CDKAL1: variants seen among roughly 807,000 people sequenced by gnomAD.
The protein encoded by CDKAL1 is threonylcarbamoyladenosine tRNA methylthiotransferase.
In CDKAL1, 32 loss-of-function variants were observed where a neutral mutation model predicts 68.2. That is an observed-to-expected ratio of 0.47 (90% CI 0.35 to 0.63). CDKAL1 has a LOEUF of 0.63. CDKAL1 is among the 30% of genes least tolerant of loss of function. CDKAL1 has a pLI of 0.00. For missense variants in CDKAL1, 606 were observed against 696.7 expected, an observed-to-expected ratio of 0.87 and a Z score of 1.47; for synonymous variants, 234 against 244.3, an observed-to-expected ratio of 0.96 and a Z score of 0.39.
chr6:20,918,048 T>C (rs182800882), intron 9 of CDKAL1, among the ~76,000 whole-genome samples: 33 of 152,204 alleles, frequency 2.2e-4, no homozygotes, highest in Admixed American at 2.0e-3. Context: ...GAGGTGGAGG[T>C]TGCAGTGAGC....
At chr6:20,587,334 A>G (rs1321339280) in intron 4 of CDKAL1, among the ~76,000 whole-genome samples, 2 of 152,136 alleles carry the variant, frequency 1.3e-5, no homozygotes, top group Non-Finnish European at 2.9e-5. Context: ...AACAGATAAT[A>G]AAACTTATAA....
intron 9 of CDKAL1, among the ~76,000 whole-genome samples, chr6:20,874,226 G>A (rs1164800819): frequency 6.6e-6 from 1 of 152,086 alleles, no homozygotes; most frequent in Non-Finnish European, 1.5e-5. Flanking sequence ...GGAGGAAATG[G>A]CATTTTTACA....
At chr6:21,228,162 A>G (rs1407286123) in intron 15 of CDKAL1, among the ~76,000 whole-genome samples, 1 of 152,040 alleles carries the variant, frequency 6.6e-6, no homozygotes, top group African/African-American at 2.4e-5. Flanking sequence ...GGGTCTCTCA[A>G]TTTGAGGGGC....
chr6:20,668,241 A>G (rs563171226), intron 5 of CDKAL1, among the ~76,000 whole-genome samples: 4 of 152,248 alleles, frequency 2.6e-5, no homozygotes, highest in Non-Finnish European at 5.9e-5. Flanking sequence ...TGTGCATGAA[A>G]TTTTATTAAC....
chr6:21,204,340 A>T (rs1322739774), intron 15 of CDKAL1, among the ~76,000 whole-genome samples: 1 of 152,186 alleles, frequency 6.6e-6, no homozygotes, highest in African/African-American at 2.4e-5. Flanking sequence ...CTGTGTTCTT[A>T]TCTACCCCTA....
At chr6:20,720,135 G>A (rs915517792) in intron 5 of CDKAL1, among the ~76,000 whole-genome samples, 9 of 152,116 alleles carry the variant, frequency 5.9e-5, no homozygotes. Flanking sequence ...GCATAGGGAA[G>A]TTACTGGTCT....
chr6:21,119,681 T>C (rs1301374398), intron 13 of CDKAL1, among the ~76,000 whole-genome samples: 1 of 152,230 alleles, frequency 6.6e-6, no homozygotes, highest in Non-Finnish European at 1.5e-5. Flanking sequence ...TACTTATATT[T>C]TCTTAGTATC....
chr6:20,957,126 G>A (rs912753197), intron 10 of CDKAL1, among the ~76,000 whole-genome samples: 9 of 152,042 alleles, frequency 5.9e-5, no homozygotes, highest in Non-Finnish European at 1.3e-4. Flanking sequence ...CGTGTGGAGG[G>A]TAGGAAGGGA....
At chr6:20,663,125 A>G (rs1484868402) in intron 5 of CDKAL1, among the ~76,000 whole-genome samples, 2 of 152,186 alleles carry the variant, frequency 1.3e-5, no homozygotes, top group Non-Finnish European at 2.9e-5. Context: ...TCCCTTCTTT[A>G]AAGGAGCTTT....
intron 8 of CDKAL1, among the ~76,000 whole-genome samples, chr6:20,796,163 G>A (rs1331098340): frequency 6.6e-6 from 1 of 151,998 alleles, no homozygotes; most frequent in Admixed American, 6.6e-5. Context: ...AATATAGCAA[G>A]GATACAACAT....
chr6:20,911,804 A>AT (rs1246791551), intron 9 of CDKAL1, among the ~76,000 whole-genome samples: 14 of 152,004 alleles, frequency 9.2e-5, no homozygotes, highest in Admixed American at 1.3e-4. Context: ...ATTCCTTTGG[A>AT]TTTTCACTGT....
intron 4 of CDKAL1, among the ~76,000 whole-genome samples, chr6:20,604,358 G>T (rs1273173786): frequency 6.6e-6 from 1 of 152,156 alleles, no homozygotes; most frequent in Non-Finnish European, 1.5e-5. Flanking sequence ...CCCTGATATG[G>T]CACCATTCAC....
At chr6:21,070,036 C>T (rs1164295392) in intron 12 of CDKAL1, among the ~76,000 whole-genome samples, 2 of 151,764 alleles carry the variant, frequency 1.3e-5, no homozygotes, top group Admixed American at 6.6e-5. Context: ...GTGATCCACC[C>T]GCCTCAGCCT....
intron 12 of CDKAL1, among the ~76,000 whole-genome samples, chr6:21,083,098 T>C (rs1772498959): frequency 6.6e-6 from 1 of 152,100 alleles, no homozygotes; most frequent in East Asian, 1.9e-4. Context: ...ACTCCTGAGC[T>C]CAAGTGATCC....
At chr6:20,762,309 G>A (rs565587418) in intron 7 of CDKAL1, among the ~76,000 whole-genome samples, 1 of 152,122 alleles carries the variant, frequency 6.6e-6, no homozygotes, top group South Asian at 2.1e-4. Flanking sequence ...AAGTTGAAGG[G>A]GATATTCATT....
chr6:20,663,041 C>T (rs541846058), intron 5 of CDKAL1, among the ~76,000 whole-genome samples: 15 of 152,156 alleles, frequency 9.9e-5, no homozygotes, highest in African/African-American at 3.4e-4. Context: ...ATGGTTATTG[C>T]TCTCTGGCCA....
chr6:21,059,586 T>C (rs9465955), intron 11 of CDKAL1, among the ~76,000 whole-genome samples: 41,170 of 151,958 alleles, frequency 0.27, 5,770 homozygotes, highest in South Asian at 0.35. Flanking sequence ...GAGCCATTGC[T>C]CCGCCCTGCT....
chr6:21,117,632 T>G (rs1340150512), intron 13 of CDKAL1, among the ~76,000 whole-genome samples: 1 of 152,114 alleles, frequency 6.6e-6, no homozygotes, highest in Non-Finnish European at 1.5e-5. Context: ...GAGAGACCCC[T>G]GTCTCAAAAA....
At chr6:20,994,470 T>A (rs542866302) in intron 10 of CDKAL1, among the ~76,000 whole-genome samples, 1 of 152,074 alleles carries the variant, frequency 6.6e-6, no homozygotes, top group African/African-American at 2.4e-5. Flanking sequence ...CAGAGTGAGA[T>A]GAAAAGAAAA....
Sources: allele counts gnomAD v4.1 joint callset (sites outside exome capture counted in the v4.1 genomes callset), GRCh38; gene constraint gnomAD v4.1.1; transcripts MANE v1.5; gene names NCBI Gene and HGNC (gene_info 2026-07-23, HGNC 2026-07-21).